Variants in FRAS1 observed in about 807,000 individuals in gnomAD.
The protein encoded by FRAS1 is extracellular matrix organizing protein FRAS1.
A neutral mutation model predicts 435.2 loss-of-function variants in FRAS1; 290 were observed. The ratio of observed to expected loss-of-function variants is 0.67; its 90% CI spans 0.61 to 0.73. The LOEUF (loss-of-function observed/expected upper bound fraction) is 0.73, where lower values mean the gene tolerates loss of function less well. FRAS1 is among the 30% of genes least tolerant of loss of function. The probability of loss-of-function intolerance (pLI) is 0.00; values close to 1 mark genes in which losing one functional copy is unlikely to be tolerated. For missense variants in FRAS1, 4,860 were observed against 5,001.5 expected, an observed-to-expected ratio of 0.97 and a Z score of 0.85; for synonymous variants, 1,800 against 1,851.0, an observed-to-expected ratio of 0.97 and a Z score of 0.71.
At chr4:78,312,841 A>AAAAG (rs201082071) in intron 15 of FRAS1, among the ~76,000 whole-genome samples, 23 of 145,166 alleles carry the variant, frequency 1.6e-4, no homozygotes, top group Admixed American at 3.5e-4. Context: ...GAAAGAAAGA[A>AAAAG]AAAGAAAGAA....
rs1476545030 is a variant in FRAS1, at chr4:78,466,218, T to C, written c.7040T>C (p.Val2347Ala). Residue 2347 changes from valine (V) to alanine (A), a missense_variant, in exon 50 of 74, where the codon GTC (valine) becomes GCC (alanine). Transcript: ENST00000512123. ...AVDADTEAESVTFTIVQPPRH... is the reference protein window; with the variant it reads ...AVDADTEAESATFTIVQPPRH... The stretch of plus-strand genomic sequence containing the variant: ...TTGCCTTCCGGACAGGCCGAGTCTG[T>C]CACATTCACCATCGTGCAGCCTCCA... 3.1e-6 allele frequency: 5 copies of C among 1,613,712 alleles called. No homozygotes were observed. The highest frequency in any genetic ancestry group is 4.2e-6 in the Non-Finnish European group (5 of 1,179,806).
chr4:78,355,023 G>C (rs1441392286), intron 20 of FRAS1, among the ~76,000 whole-genome samples: 1 of 152,066 alleles, frequency 6.6e-6, no homozygotes, highest in Admixed American at 6.6e-5. Context: ...CACAGCTGCA[G>C]GGTGACATAT....
chr4:78,257,766 G>A (rs1477172214), intron 6 of FRAS1, among the ~76,000 whole-genome samples: 1 of 152,158 alleles, frequency 6.6e-6, no homozygotes, highest in African/African-American at 2.4e-5. Context: ...TTAAAAATTG[G>A]TGATAATCCT....
chr4:78,499,718 T>C lies in FRAS1; in HGVS notation c.9116-3T>C. Reference sequence around the variant, plus strand: ...TCTTGTTTTCCTAACCATATTTCCTTAGCCCCCACCATTGAGTTTGAAGAA... The same window carrying C: ...TCTTGTTTTCCTAACCATATTTCCTCAGCCCCCACCATTGAGTTTGAAGAA... On this transcript the variant is annotated splice_region_variant and splice_polypyrimidine_tract_variant and intron_variant, in intron 60 of 73. Coordinates refer to ENST00000512123, the MANE Select transcript of FRAS1 (RefSeq NM_025074.7). 3 of 1,613,168 alleles carry C rather than the reference T, an allele frequency of 1.9e-6. No homozygotes were observed. Among genetic ancestry groups the C allele is most frequent in the Non-Finnish European group, 2.5e-6 (3 of 1,179,498 alleles).
Position 78,513,585 on chromosome 4 carries a change from A to G in FRAS1, c.10174+33A>G, listed in dbSNP as rs778685346. 3.1e-6 allele frequency: 5 copies of G among 1,591,602 alleles called. No homozygotes were observed. The South Asian group carries it at 5.6e-5, about 18-fold the overall frequency. ...TGACAAGTTCAGGACTGGTCTTTCC[A>G]TGCTAGCCCAGTGCAGTTGACTTTC... On this transcript the variant is annotated intron_variant, in intron 65 of 73. Transcript: ENST00000512123.
chr4:78,328,953 C>T (rs529149981), intron 18 of FRAS1, among the ~76,000 whole-genome samples: 2 of 152,310 alleles, frequency 1.3e-5, no homozygotes, highest in South Asian at 2.1e-4. Context: ...CACCAGGCCT[C>T]GTATGATACT....
intron 30 of FRAS1, among the ~76,000 whole-genome samples, chr4:78,404,872 T>A (rs377461348): frequency 1.3e-5 from 2 of 152,314 alleles, no homozygotes; most frequent in African/African-American, 4.8e-5. Context: ...GACCTTCAAC[T>A]CTTACAGGCT....
chr4:78,290,696 C>T (rs369099405), intron 14 of FRAS1, among the ~76,000 whole-genome samples: 3 of 151,954 alleles, frequency 2.0e-5, no homozygotes, highest in African/African-American at 2.4e-5. Context: ...GTGATCTGCC[C>T]GCCTTGGCCT....
rs527618008 is a variant in FRAS1, at chr4:78,089,973, A to G, written c.108+23957A>G. Among the ~76,000 whole-genome samples, 6 of 152,172 alleles carry G rather than the reference A, an allele frequency of 3.9e-5. 1 individual carries two copies. In the East Asian group the frequency reaches 9.7e-4, roughly 24 times the overall value. ...CCCTTCTTTGTGGCCATGAGTTCTC[A>G]TGGTTTTCTGTCCCTATGTTACGAA... On this transcript the variant is annotated intron_variant, in intron 2 of 73. Transcript: ENST00000512123.
At chr4:78,513,646 T>G (rs576337218) in intron 65 of FRAS1, 94 bp downstream of exon 65, 14 of 1,165,282 alleles carry the variant, frequency 1.2e-5, no homozygotes, top group Non-Finnish European at 1.7e-5. Context: ...TTTCATGTTT[T>G]CTGGTCCTCA....
At chr4:78,322,643 A>T (rs1391993129) in intron 18 of FRAS1, among the ~76,000 whole-genome samples, 1 of 152,188 alleles carries the variant, frequency 6.6e-6, no homozygotes, top group African/African-American at 2.4e-5. Context: ...ACTTTGAGCC[A>T]CACAACAAAC....
At chr4:78,270,555 G>A (rs1171874851) in intron 9 of FRAS1, among the ~76,000 whole-genome samples, 8 of 55,674 alleles carry the variant, frequency 1.4e-4, no homozygotes, top group Non-Finnish European at 2.5e-4. Context: ...CCGCCCCCCC[G>A]CCACCACCAC....
intron 7 of FRAS1, among the ~76,000 whole-genome samples, chr4:78,265,956 C>T (rs556204315): frequency 2.0e-5 from 3 of 152,172 alleles, no homozygotes; most frequent in Non-Finnish European, 4.4e-5. Flanking sequence ...TAGATCTGTG[C>T]TGCCTGACAC....
intron 53 of FRAS1, among the ~76,000 whole-genome samples, chr4:78,473,983 G>T (rs999614089): frequency 6.6e-6 from 1 of 152,000 alleles, no homozygotes; most frequent in African/African-American, 2.4e-5. Flanking sequence ...AAATGTTTTT[G>T]CTTCTGTCTC....
chr4:78,432,572 G>A lies in FRAS1; in HGVS notation c.5185G>A (p.Ala1729Thr), dbSNP rs1182474204. 1 of 1,607,634 alleles carries A rather than the reference G, an allele frequency of 6.2e-7. No individual in the cohort carries two copies. Among genetic ancestry groups the A allele is most frequent in the African/African-American group, 1.3e-5 (1 of 74,938 alleles). Reference protein sequence around the residue: ...LSITVASKSTAIITRSHLAYV... With the variant: ...LSITVASKSTTIITRSHLAYV... ...CATTACTGTTGCCAGTAAAAGCACA[G>A]CCATAATCACTAGGTCACACCTTGC... The change falls in exon 38 of 74, where the codon GCC becomes ACC. Residue 1729 changes from alanine (A) to threonine (T), a missense_variant. By Grantham distance (58) the Ala-to-Thr change is moderately conservative (BLOSUM62 0). Coordinates refer to ENST00000512123, the MANE Select transcript of FRAS1 (RefSeq NM_025074.7).
intron 2 of FRAS1, among the ~76,000 whole-genome samples, chr4:78,188,306 TATCTATCTATCTA>T (rs376707656): frequency 0.098 from 981 of 10,018 alleles, 5 homozygotes; most frequent in East Asian, 0.5. Context: ...TCTATCTATC[TATCTATCTATCTA>T]ATCTATCTAT....
Position 78,318,928 on chromosome 4 carries a change from C to T in FRAS1, c.2079C>T (p.Gly693=), listed in dbSNP as rs772200651. ...TGTCTGACGTGGGCATCCCCTCTGGCGAGTGTCTAGCCCAGTGTAGAGCCC... is the reference window on the plus strand; with the variant it reads ...TGTCTGACGTGGGCATCCCCTCTGGTGAGTGTCTAGCCCAGTGTAGAGCCC... ...EQLSDVGIPS[G]ECLAQCRAHF... The change falls in exon 18 of 74, where the codon GGC becomes GGT. Residue 693 remains glycine (G), a synonymous_variant. Coordinates refer to ENST00000512123, the MANE Select transcript of FRAS1 (RefSeq NM_025074.7). 2.5e-6 allele frequency: 4 copies of T among 1,613,976 alleles called. No homozygotes were observed. Among genetic ancestry groups the T allele is most frequent in the South Asian group, 1.1e-5 (1 of 91,080 alleles).
chr4:78,404,763 T>C (rs994000806), intron 30 of FRAS1, among the ~76,000 whole-genome samples: 1 of 152,242 alleles, frequency 6.6e-6, no homozygotes, highest in South Asian at 2.1e-4. Context: ...ATCTCTCCTC[T>C]GGATTTGTCA....
In FRAS1 at chr4:78,065,840, A is replaced by G. The variant is rs566586885; in HGVS notation, c.77-145A>G. On this transcript the variant is annotated intron_variant, in intron 1 of 73. Transcript: ENST00000512123. ...ATGGGGTTATTTCCCCAGGGGAAGA[A>G]TGCTGAAGCTTTTAAGATTTTGGAA... The G allele has an allele frequency of 1.3e-5, 9 of 676,662 alleles. No individual in the cohort carries two copies. The East Asian group carries it at 2.5e-4, about 19-fold the overall frequency. 41.9% of individuals were successfully genotyped at this position (676,662 alleles called of 1,614,324 possible).
Sources: gnomAD v4.1 joint callset for allele counts (sites outside exome capture counted in the v4.1 genomes callset) on GRCh38, gnomAD v4.1.1 for gene constraint, MANE v1.5 for transcripts, NCBI Gene and HGNC (gene_info 2026-07-23, HGNC 2026-07-21) for gene names.